Variants in RBM42 observed in about 807,000 individuals in gnomAD.
RBM42 encodes RNA-binding protein 42.
Under a neutral mutation model 41.4 loss-of-function variants are expected in RBM42, and 21 were observed. The observed-to-expected ratio is 0.51, with a 90% confidence interval of 0.36 to 0.73. RBM42 has a LOEUF of 0.73. Ranked by LOEUF, RBM42 falls within the 30% of genes least tolerant of loss-of-function variation. The probability of loss-of-function intolerance (pLI) is 0.00; values close to 1 mark genes in which losing one functional copy is unlikely to be tolerated. For missense variants in RBM42, 539 were observed against 680.4 expected, an observed-to-expected ratio of 0.79 and a Z score of 2.31; for synonymous variants, 272 against 271.2, an observed-to-expected ratio of 1.00 and a Z score of -0.03.
In RBM42 at chr19:35,633,939, C is replaced by T; in HGVS notation, c.937C>T (p.Arg313Cys). ...EVVRGLLPPL[R>C]IPELLSLRPR... ...CGTCCGCGGCCTCCTGCCCCCGCTG[C>T]GCATTCCTGAACTCCTGTCCCTGCG... Residue 313 changes from arginine (R) to cysteine (C), a missense_variant, in exon 7 of 10, where the codon CGC (arginine) becomes TGC (cysteine). Coordinates refer to ENST00000262633, the MANE Select transcript of RBM42 (RefSeq NM_024321.5). 1.3e-6 allele frequency: 2 copies of T among 1,578,686 alleles called. No individual in the cohort carries two copies. The highest frequency in any genetic ancestry group is 8.6e-7 in the Non-Finnish European group (1 of 1,167,480).
intron 4 of RBM42, among the ~76,000 whole-genome samples, 183 bp from the exon 5 acceptor site, chr19:35,632,753 A>G (rs772937956): frequency 2.6e-5 from 4 of 152,040 alleles, no homozygotes; most frequent in Non-Finnish European, 5.9e-5. Context: ...GGAGCTTCTC[A>G]GTGGTAAATT....
Position 35,629,076 on chromosome 19 carries a change from A to AG in RBM42, c.-73dup, listed in dbSNP as rs758070060. The stretch of plus-strand genomic sequence containing the variant: ...CATCCTCGGGAGCCCACCCGGACGA[A>AG]GGGGGAGAGTAGACAGCAGAACCAG... On this transcript the variant is annotated 5_prime_UTR_variant, in exon 1 of 10. Coordinates refer to ENST00000262633, the MANE Select transcript of RBM42 (RefSeq NM_024321.5). 1.0e-4 allele frequency: 147 copies of AG among 1,453,414 alleles called. No individual in the cohort carries two copies. The highest frequency in any genetic ancestry group is 1.2e-4 in the Non-Finnish European group (130 of 1,105,974). The allele number at this position is 1,453,414 out of a possible 1,614,324, so 90.0% of individuals were successfully genotyped here. A position where few individuals can be genotyped will look rare whatever the true frequency, so the allele number is the denominator to read the frequency against.
At chr19:35,629,754 C>T (rs547954887) in intron 2 of RBM42, 81 bp downstream of exon 2, 8 of 1,485,378 alleles carry the variant, frequency 5.4e-6, no homozygotes, top group South Asian at 4.8e-5. Flanking sequence ...GAGCTGTTGA[C>T]GTTTTGGCTT....
At chr19:35,632,098 G>A (rs1408768785) in intron 4 of RBM42, among the ~76,000 whole-genome samples, 2 of 152,074 alleles carry the variant, frequency 1.3e-5, no homozygotes, top group African/African-American at 4.8e-5. Flanking sequence ...GTAAAATTCT[G>A]GTATAATCTC....
chr19:35,633,945 C>G lies in RBM42; in HGVS notation c.943C>G (p.Pro315Ala), dbSNP rs1159116829. ...CGGCCTCCTGCCCCCGCTGCGCATT[C>G]CTGAACTCCTGTCCCTGCGTCCTCG... The part of the protein sequence containing the change: ...VRGLLPPLRI[P>A]ELLSLRPRPR... The change falls in exon 7 of 10, where the codon CCT becomes GCT. Residue 315 changes from proline to alanine, a missense_variant. This residue lies in a region of RBM42 where 429 missense variants were observed against 488.9 expected (regional missense o/e 0.88). Transcript: ENST00000262633. 3 of 1,574,412 alleles carry G rather than the reference C, an allele frequency of 1.9e-6. No homozygotes were observed. The highest frequency in any genetic ancestry group is 2.6e-6 in the Non-Finnish European group (3 of 1,165,560).
intron 8 of RBM42, among the ~76,000 whole-genome samples, chr19:35,634,925 T>A (rs182857141): frequency 1.2e-3 from 183 of 152,284 alleles, no homozygotes; most frequent in Non-Finnish European, 1.3e-3. Context: ...CCTCTTTGTG[T>A]ATGTATCTGG....
In RBM42 at chr19:35,637,172, T is replaced by G; in HGVS notation, c.1150T>G (p.Phe384Val). ...CCCATCCCCAGATGACTTCCGGATC[T>G]TCTGTGGGGATCTGGGCAATGAGGT... Reference protein sequence around the residue: ...LEWDADDFRIFCGDLGNEVND... With the variant: ...LEWDADDFRIVCGDLGNEVND... Residue 384 changes from phenylalanine to valine, a missense_variant, in exon 9 of 10, where the codon TTC becomes GTC. By Grantham distance (50) the Phe-to-Val change is conservative. Coordinates refer to ENST00000262633, the MANE Select transcript of RBM42 (RefSeq NM_024321.5). This position sits in a 1 kb window ranked among gnomAD's most constrained non-coding sequence, Gnocchi z 7.0. The G allele has an allele frequency of 6.2e-7, 1 of 1,613,766 alleles. No individual in the cohort carries two copies. The highest frequency in any genetic ancestry group is 8.5e-7 in the Non-Finnish European group (1 of 1,179,834).
At chr19:35,631,549 A>G (rs1171530905) in intron 4 of RBM42, 144 bp downstream of exon 4, 5 of 727,886 alleles carry the variant, frequency 6.9e-6, no homozygotes, top group East Asian at 2.7e-5. Context: ...GAACCTGATC[A>G]TGTCCTTTCT....
chr19:35,637,588 G>T lies in RBM42; in HGVS notation c.*34G>T. ...GCCAGGCACCCGCTCCCACCTGGCC[G>T]GGCGCTGGCTCCTCCCTCAGTTCTC... is the stretch of plus-strand genomic sequence containing the variant. On this transcript the variant is annotated 3_prime_UTR_variant, in exon 10 of 10. Transcript: ENST00000262633. This position sits in a 1 kb window ranked among gnomAD's most constrained non-coding sequence, Gnocchi z 7.0. 1 of 1,539,896 alleles carries T rather than the reference G, an allele frequency of 6.5e-7. No homozygotes were observed. Among genetic ancestry groups the T allele is most frequent in the Non-Finnish European group, 8.9e-7 (1 of 1,117,592 alleles).
At chr19:35,634,465 T>G in intron 8 of RBM42, 92 bp downstream of exon 8, 2 of 873,768 alleles carry the variant, frequency 2.3e-6, no homozygotes, top group Non-Finnish European at 3.7e-6. Flanking sequence ...GTGAACCCTC[T>G]CAGTAGGGTG....
Position 35,637,168 on chromosome 19 carries a change from G to A in RBM42, c.1146G>A (p.Arg382=). 6.2e-7 allele frequency: 1 copy of A among 1,613,446 alleles called. No homozygotes were observed. The highest frequency in any genetic ancestry group is 8.5e-7 in the Non-Finnish European group (1 of 1,179,678). The change falls in exon 9 of 10, where the codon CGG becomes CGA. Residue 382 remains arginine, a synonymous_variant. Coordinates refer to ENST00000262633, the MANE Select transcript of RBM42 (RefSeq NM_024321.5). This position sits in a 1 kb window ranked among gnomAD's most constrained non-coding sequence, Gnocchi z 7.0. ...SLLEWDADDF[R]IFCGDLGNEV... ...CTTCCCCATCCCCAGATGACTTCCG[G>A]ATCTTCTGTGGGGATCTGGGCAATG...
At position 35,633,233 on chromosome 19, in the gene RBM42, C is replaced by G. The variant is rs951536996; in HGVS notation, c.665C>G (p.Ala222Gly). 5 of 1,595,858 alleles carry G rather than the reference C, an allele frequency of 3.1e-6. No homozygotes were observed. Among genetic ancestry groups the G allele is most frequent in the Non-Finnish European group, 4.3e-6 (5 of 1,171,972 alleles). ...CCAGGGCCCCCGCTGGGCTCCATGGCTGCACTGAGGCCCCCTCTGGTGAGT... is the reference window on the plus strand; with the variant it reads ...CCAGGGCCCCCGCTGGGCTCCATGGGTGCACTGAGGCCCCCTCTGGTGAGT... ...RAPGPPLGSMAALRPPLEEPA... is the reference protein window; with the variant it reads ...RAPGPPLGSMGALRPPLEEPA... Residue 222 changes from alanine to glycine, a missense_variant, in exon 6 of 10, where the codon GCT becomes GGT. Coordinates refer to ENST00000262633, the MANE Select transcript of RBM42 (RefSeq NM_024321.5).
chr19:35,633,768 G>A lies in RBM42; in HGVS notation c.766G>A (p.Ala256Thr). The A allele has an allele frequency of 6.7e-7, 1 of 1,495,382 alleles. No individual in the cohort carries two copies. The highest frequency in any genetic ancestry group is 8.9e-7 in the Non-Finnish European group (1 of 1,128,986). 92.6% of individuals were successfully genotyped at this position (1,495,382 alleles called of 1,614,324 possible). A position where few individuals can be genotyped will look rare whatever the true frequency, so the allele number is the denominator to read the frequency against. Residue 256 changes from alanine to threonine, a missense_variant, in exon 7 of 10, where the codon GCG becomes ACG. Physicochemically the swap from Ala to Thr is moderately conservative, Grantham distance 58. Transcript: ENST00000262633. ...KEKEEAVVAA[A>T]AGLEEASAAV... ...GAAGGAAGAGGCAGTGGTGGCGGCG[G>A]CGGCTGGGCTGGAGGAGGCTAGCGC...
intron 2 of RBM42, among the ~76,000 whole-genome samples, chr19:35,630,172 G>C (rs980372316): frequency 3.9e-5 from 6 of 152,016 alleles, no homozygotes; most frequent in Non-Finnish European, 7.4e-5. Flanking sequence ...AAATTAGCTG[G>C]GTGTGGTGGC....
chr19:35,634,656 A>ATTT (rs74276917), intron 8 of RBM42, among the ~76,000 whole-genome samples: 9 of 139,884 alleles, frequency 6.4e-5, no homozygotes, highest in South Asian at 2.3e-4. Context: ...TAGGATAAAA[A>ATTT]TTTTTTTTTT....
chr19:35,631,288 C>T (rs112394794), intron 3 of RBM42, 43 bp from the exon 4 acceptor site: 1 of 1,611,970 alleles, frequency 6.2e-7, no homozygotes, highest in South Asian at 1.1e-5. Context: ...AAGGTGTGCA[C>T]AGGACTCTCC....
At position 35,629,169 on chromosome 19, in the gene RBM42, C is replaced by A; in HGVS notation, c.16C>A (p.Pro6Thr). Reference protein sequence around the residue: MAGAGPAPGLPGAGGP... With the variant: MAGAGTAPGLPGAGGP... Reference sequence around the variant, plus strand: ...GACGGCAGCGATGGCTGGGGCGGGGCCAGCCCCGGGACTCCCGGGTGCAGG... The same window carrying A: ...GACGGCAGCGATGGCTGGGGCGGGGACAGCCCCGGGACTCCCGGGTGCAGG... The change falls in exon 1 of 10, where the codon CCA (proline) becomes ACA (threonine). Residue 6 changes from proline (P) to threonine (T), a missense_variant. Around this residue, in one of 2 missense-constraint regions of RBM42, gnomAD observed 429 missense variants for 488.9 expected, o/e 0.88. Coordinates refer to ENST00000262633, the MANE Select transcript of RBM42 (RefSeq NM_024321.5). The A allele has an allele frequency of 6.6e-7, 1 of 1,515,950 alleles. No homozygotes were observed. Among genetic ancestry groups the A allele is most frequent in the Middle Eastern group, 2.3e-4 (1 of 4,314 alleles). The allele number at this position is 1,515,950 out of a possible 1,614,324, so 93.9% of individuals were successfully genotyped here.
At chr19:35,631,439 C>G in intron 4 of RBM42, 34 bp downstream of exon 4, 1 of 1,598,072 alleles carries the variant, frequency 6.3e-7, no homozygotes, top group Non-Finnish European at 8.6e-7. Context: ...CACATTTAAT[C>G]AGGCACTCTT....
In RBM42 at chr19:35,633,959, C is replaced by A. The variant is rs771384066; in HGVS notation, c.957C>A (p.Ser319=). The A allele has an allele frequency of 3.2e-6, 5 of 1,560,878 alleles. No individual in the cohort carries two copies. Among genetic ancestry groups the A allele is most frequent in the Non-Finnish European group, 4.3e-6 (5 of 1,159,008 alleles). ...CGCTGCGCATTCCTGAACTCCTGTC[C>A]CTGCGTCCTCGGCCCCGGCCCCCTC... The part of the protein sequence containing the change: ...LPPLRIPELL[S]LRPRPRPPRP... The change falls in exon 7 of 10, where the codon TCC becomes TCA. Residue 319 remains serine, a synonymous_variant. Transcript: ENST00000262633.
Sources: gnomAD v4.1 joint callset for allele counts (sites outside exome capture counted in the v4.1 genomes callset) on GRCh38, gnomAD v4.1.1 for gene constraint, gnomAD v4.1.1 regional missense constraint, Gnocchi (gnomAD v3.1) non-coding constraint, MANE v1.5 for transcripts, NCBI Gene and HGNC (gene_info 2026-07-23, HGNC 2026-07-21) for gene names.